The following ACTL6A variants were observed in gnomAD, a reference collection of about 807,000 sequenced individuals.
ACTL6A encodes actin-like protein 6A.
ACTL6A carries 5 observed loss-of-function variants against 59.2 expected under a neutral mutation model. The observed-to-expected ratio is 0.08, with a 90% CI of 0.04 to 0.18. The LOEUF is 0.18. ACTL6A is among the 10% of genes least tolerant of loss of function. The pLI, the probability that ACTL6A is intolerant of heterozygous loss-of-function variation, is 1.00. For synonymous variants in ACTL6A, 154 were observed against 171.8 expected, an observed-to-expected ratio of 0.90 and a Z score of 0.81; for missense variants, 285 against 526.9, an observed-to-expected ratio of 0.54 and a Z score of 4.49.
intron 12 of ACTL6A, 98 bp from the exon 13 acceptor site, chr3:179,586,448 G>T: frequency 1.1e-6 from 1 of 882,168 alleles, no homozygotes; most frequent in Non-Finnish European, 1.6e-6. Context: ...ATATGGCGAG[G>T]AAGACCCTGT....
chr3:179,569,721 C>T (rs76210250), intron 1 of ACTL6A, 103 bp from the exon 2 acceptor site: 33,054 of 943,234 alleles, frequency 0.035, 782 homozygotes, highest in Non-Finnish European at 0.046. Context: ...AAGACTGAGG[C>T]GGGAGGATTG....
rs900602133 is a variant in ACTL6A at position 179,563,130 on chromosome 3, G to T, written c.25+13G>T. The T allele has an allele frequency of 6.2e-7, 1 of 1,611,466 alleles. No individual in the cohort carries two copies. ...GTGTACGGGGGAGGTGAGTGAGTGC[G>T]GCCGGACGAGAGAGCGCGCCTTTTC... On this transcript the variant is annotated intron_variant, in intron 1 of 13. Transcript: ENST00000429709.
chr3:179,565,531 A>G (rs1421366032), intron 1 of ACTL6A, among the ~76,000 whole-genome samples: 2 of 148,036 alleles, frequency 1.4e-5, no homozygotes, highest in African/African-American at 2.5e-5. Context: ...GTGCAAAGGT[A>G]GCTCAGAGAA....
At position 179,574,377 on chromosome 3, in the gene ACTL6A, C is replaced by A. The variant is rs776843849; in HGVS notation, c.386C>A (p.Thr129Asn). Reference protein sequence around the residue: ...PVLMSEAPWNTRAKREKLTEL... With the variant: ...PVLMSEAPWNNRAKREKLTEL... Reference sequence around the variant, plus strand: ...TTTTCCCCTCTTCTCAAGTGGAATACTAGAGCAAAGAGAGAGAAACTGACA... The same window carrying A: ...TTTTCCCCTCTTCTCAAGTGGAATAATAGAGCAAAGAGAGAGAAACTGACA... The change falls in exon 5 of 14, where the codon ACT becomes AAT. Residue 129 changes from threonine to asparagine, a missense_variant. By Grantham distance (65) the Thr-to-Asn change is moderately conservative (BLOSUM62 0). Transcript: ENST00000429709. The A allele has an allele frequency of 1.2e-5, 20 of 1,608,862 alleles. No homozygotes were observed. The highest frequency in any genetic ancestry group is 1.6e-5 in the Non-Finnish European group (19 of 1,175,580).
chr3:179,580,032 T>A lies in ACTL6A; in HGVS notation c.769-608T>A, dbSNP rs995863549. Among the ~76,000 whole-genome samples, 3 of 152,148 alleles carry A rather than the reference T, an allele frequency of 2.0e-5. No homozygotes were observed. In the South Asian group the frequency reaches 6.2e-4, roughly 32 times the overall value. ...AAGCGATCCTCCTGTCTCGGCCTCT[T>A]AAAGTGCTGAGATTACAGGTATGAG... On this transcript the variant is annotated intron_variant, in intron 8 of 13. Coordinates refer to ENST00000429709, the MANE Select transcript of ACTL6A (RefSeq NM_004301.5).
chr3:179,565,435 T>C (rs925513035), intron 1 of ACTL6A, among the ~76,000 whole-genome samples: 2 of 149,872 alleles, frequency 1.3e-5, no homozygotes, highest in Non-Finnish European at 3.0e-5. Flanking sequence ...TATATATATG[T>C]GTGTTATATA....
intron 1 of ACTL6A, among the ~76,000 whole-genome samples, chr3:179,565,102 T>C (rs934393426): frequency 6.6e-6 from 1 of 152,268 alleles, no homozygotes; most frequent in South Asian, 2.1e-4. Context: ...TAGCATCTTA[T>C]ATTGATCAGA....
At chr3:179,573,141 T>C in intron 3 of ACTL6A, 1 of 358,850 alleles carries the variant, frequency 2.8e-6, no homozygotes, top group Non-Finnish European at 4.9e-6. Context: ...TTAGATTAAT[T>C]ACATTTGGGA....
At position 179,586,623 on chromosome 3, in the gene ACTL6A, A is replaced by G; in HGVS notation, c.1200A>G (p.Leu400=). The change falls in exon 13 of 14, where the codon CTA becomes CTG. Residue 400 remains leucine (L), a synonymous_variant. Transcript: ENST00000429709. Reference sequence around the variant, plus strand: ...GCTCATGGATTGGCGGCTCCATTCTAGCCTCTTTGGTTAGTAGATGAGCTA... The same window carrying G: ...GCTCATGGATTGGCGGCTCCATTCTGGCCTCTTTGGTTAGTAGATGAGCTA... ...RFSSWIGGSI[L]ASLGTFQQMW... 1 of 1,599,494 alleles carries G rather than the reference A, an allele frequency of 6.3e-7. No individual in the cohort carries two copies.
chr3:179,570,033 T>C lies in ACTL6A; in HGVS notation c.103-34T>C. ...GAAAAAATGCCTTCTTGATGAAAGG[T>C]GAAACTTGTATGTCATGTTTCTGAC... On this transcript the variant is annotated intron_variant, in intron 2 of 13. Coordinates refer to ENST00000429709, the MANE Select transcript of ACTL6A (RefSeq NM_004301.5). The surrounding 1 kb of genome is among the most constrained non-coding windows in gnomAD (Gnocchi z 4.3). 1 of 1,599,576 alleles carries C rather than the reference T, an allele frequency of 6.3e-7. No individual in the cohort carries two copies. Among genetic ancestry groups the C allele is most frequent in the Non-Finnish European group, 8.5e-7 (1 of 1,173,066 alleles).
chr3:179,576,821 C>A lies in ACTL6A; in HGVS notation c.679-3C>A, dbSNP rs1404895080. 1 of 1,613,824 alleles carries A rather than the reference C, an allele frequency of 6.2e-7. No homozygotes were observed. ...TTAACCTAGCATCTCTTGGTACTCT[C>A]AGGAAGCTGTTCGTGAAGGATCTCC... On this transcript the variant is annotated splice_region_variant and splice_polypyrimidine_tract_variant and intron_variant, in intron 7 of 13. Transcript: ENST00000429709.
At chr3:179,563,970 AT>A (rs1256466801) in intron 1 of ACTL6A, among the ~76,000 whole-genome samples, 1 of 152,254 alleles carries the variant, frequency 6.6e-6, no homozygotes, top group East Asian at 1.9e-4. Flanking sequence ...TTCAGGCCTC[AT>A]TTATGGAATA....
At chr3:179,573,838 G>T (rs1718088571) in intron 4 of ACTL6A, among the ~76,000 whole-genome samples, 1 of 152,100 alleles carries the variant, frequency 6.6e-6, no homozygotes, top group African/African-American at 2.4e-5. Context: ...TTCCAAGAAA[G>T]AATTGAGATG....
intron 12 of ACTL6A, among the ~76,000 whole-genome samples, chr3:179,585,402 A>G (rs996552593): frequency 1.3e-5 from 2 of 152,184 alleles, no homozygotes; most frequent in African/African-American, 2.4e-5. Flanking sequence ...GCACCGGTCT[A>G]TAATACTAAT....
rs575333052 is a variant in ACTL6A at position 179,565,337 on chromosome 3, C to T, written c.25+2220C>T. Among the ~76,000 whole-genome samples, 184 of 151,250 alleles carry T rather than the reference C, an allele frequency of 1.2e-3. 1 individual carries two copies. Among genetic ancestry groups the T allele is most frequent in the African/African-American group, 3.7e-3 (154 of 41,218 alleles). ...CTGGAGTCCCAGCTGCTGGGGAGGC[C>T]GAGGCACAAGAATCGCTCGAACCTG... On this transcript the variant is annotated intron_variant, in intron 1 of 13. Coordinates refer to ENST00000429709, the MANE Select transcript of ACTL6A (RefSeq NM_004301.5).
At chr3:179,573,347 A>C in intron 3 of ACTL6A, 22 bp from the exon 4 acceptor site, 1 of 1,475,064 alleles carries the variant, frequency 6.8e-7, no homozygotes. Flanking sequence ...ATTATTTCCA[A>C]GTTACTAATC....
chr3:179,583,671 A>G, intron 12 of ACTL6A: 1 of 379,750 alleles, frequency 2.6e-6, no homozygotes, highest in Non-Finnish European at 4.8e-6. Context: ...AAATATGTAT[A>G]GTCTGCTAGG....
At chr3:179,576,114 A>C in intron 5 of ACTL6A, 103 bp from the exon 6 acceptor site, 2 of 782,264 alleles carry the variant, frequency 2.6e-6, no homozygotes, top group African/African-American at 3.5e-5. Context: ...TATAAGGTAC[A>C]TGTTTAAGAA....
chr3:179,578,058 G>A (rs1718222904), intron 8 of ACTL6A, among the ~76,000 whole-genome samples: 1 of 152,168 alleles, frequency 6.6e-6, no homozygotes, highest in African/African-American at 2.4e-5. Context: ...GGTGGCTCAC[G>A]CCTGTAATTT....
Sources: allele counts gnomAD v4.1 joint callset (sites outside exome capture counted in the v4.1 genomes callset), GRCh38; gene constraint gnomAD v4.1.1; non-coding constraint Gnocchi (gnomAD v3.1); transcripts MANE v1.5; gene names NCBI Gene and HGNC (gene_info 2026-07-23, HGNC 2026-07-21).